FER1L6: variants seen among roughly 807,000 people sequenced by gnomAD.
The protein encoded by FER1L6 is fer-1 like family member 6, also known as fer-1-like protein 6.
FER1L6 carries 177 observed loss-of-function variants against 219.2 expected under a neutral mutation model. The observed-to-expected ratio is 0.81, with a 90% confidence interval of 0.71 to 0.91. The LOEUF (loss-of-function observed/expected upper bound fraction) is 0.91. Ranked by LOEUF, FER1L6 falls within the 40% of genes least tolerant of loss-of-function variation. The pLI is 0.00. For synonymous variants in FER1L6, 768 were observed against 824.3 expected, an observed-to-expected ratio of 0.93 and a Z score of 1.17; for missense variants, 2,153 against 2,259.9, an observed-to-expected ratio of 0.95 and a Z score of 0.96.
At chr8:124,093,807 TTTTAA>T (rs1466821790) in intron 34 of FER1L6, among the ~76,000 whole-genome samples, 1 of 151,932 alleles carries the variant, frequency 6.6e-6, no homozygotes, top group African/African-American at 2.4e-5. Context: ...ATTTTTATTA[TTTTAA>T]TTTTTGTGGG....
chr8:123,958,788 A>G (rs1437534567), intron 2 of FER1L6, among the ~76,000 whole-genome samples: 1 of 151,756 alleles, frequency 6.6e-6, no homozygotes, highest in East Asian at 2.0e-4. Flanking sequence ...TGGGGAGGTA[A>G]CATTTAAGCT....
At chr8:123,999,810 C>A (rs1465142002) in intron 12 of FER1L6, among the ~76,000 whole-genome samples, 1 of 152,178 alleles carries the variant, frequency 6.6e-6, no homozygotes, top group Admixed American at 6.5e-5. Context: ...CCTCTCTCCC[C>A]TCCTCAAGCA....
In FER1L6 at chr8:124,103,412, A is replaced by T. The variant is rs1822629027; in HGVS notation, c.5289+103A>T. ...ACTTCAAGTAAAATGCCTTGAAATG[A>T]CATGAACCCTTCATGCAGAGGTTCT... On this transcript the variant is annotated intron_variant, in intron 39 of 40. Transcript: ENST00000522917. 4.4e-6 allele frequency: 5 copies of T among 1,144,870 alleles called. No individual in the cohort carries two copies. The South Asian group carries it at 7.4e-5, about 17-fold the overall frequency. The allele number at this position is 1,144,870 out of a possible 1,614,324, so 70.9% of individuals were successfully genotyped here.
chr8:123,913,590 T>A (rs1469569108), intron 1 of FER1L6, among the ~76,000 whole-genome samples: 1 of 152,132 alleles, frequency 6.6e-6, no homozygotes, highest in Non-Finnish European at 1.5e-5. Context: ...GTTTTTGTTT[T>A]TCTCTCTCTA....
At chr8:123,899,547 C>T (rs1201125170) in intron 1 of FER1L6, among the ~76,000 whole-genome samples, 4 of 151,986 alleles carry the variant, frequency 2.6e-5, no homozygotes, top group Admixed American at 6.6e-5. Flanking sequence ...TTGTTTTTAT[C>T]GCATTTGCTT....
At chr8:123,964,418 T>A (rs1815441949) in intron 3 of FER1L6, among the ~76,000 whole-genome samples, 1 of 152,284 alleles carries the variant, frequency 6.6e-6, no homozygotes, top group East Asian at 1.9e-4. Flanking sequence ...TGTGACAGGA[T>A]GGCAGGGTAC....
chr8:124,088,193 A>G (rs564441628), intron 33 of FER1L6, among the ~76,000 whole-genome samples: 13 of 151,952 alleles, frequency 8.6e-5, no homozygotes, highest in Non-Finnish European at 1.8e-4. Context: ...GGAGTTAGGA[A>G]CCTTAGGAAT....
intron 19 of FER1L6, among the ~76,000 whole-genome samples, chr8:124,036,901 G>T (rs1819241068): frequency 6.6e-6 from 1 of 152,162 alleles, no homozygotes; most frequent in Non-Finnish European, 1.5e-5. Context: ...GAAAATACCT[G>T]TTCAGCAAAT....
intron 13 of FER1L6, among the ~76,000 whole-genome samples, chr8:124,007,272 C>G (rs555448080): frequency 6.6e-6 from 1 of 151,974 alleles, no homozygotes; most frequent in Non-Finnish European, 1.5e-5. Flanking sequence ...ATGTCTCTCT[C>G]TCTCTTTCTC....
chr8:123,926,424 C>T (rs1390541721), intron 1 of FER1L6, among the ~76,000 whole-genome samples: 2 of 152,266 alleles, frequency 1.3e-5, no homozygotes, highest in East Asian at 3.9e-4. Context: ...GCACAAGGAC[C>T]CGAGTGTGCA....
intron 18 of FER1L6, among the ~76,000 whole-genome samples, chr8:124,028,807 A>C (rs1021587370): frequency 6.6e-6 from 1 of 152,196 alleles, no homozygotes; most frequent in Non-Finnish European, 1.5e-5. Flanking sequence ...TCCGGGATAC[A>C]TGTGCACAAT....
chr8:124,097,909 TC>T, intron 37 of FER1L6, 26 bp downstream of exon 37: 1 of 1,184,466 alleles, frequency 8.4e-7, no homozygotes, highest in Non-Finnish European at 1.3e-6. Flanking sequence ...AACTCCAACC[TC>T]CCATTTCCTT....
chr8:124,018,794 C>T (rs1172798820), intron 16 of FER1L6, among the ~76,000 whole-genome samples: 1 of 152,220 alleles, frequency 6.6e-6, no homozygotes, highest in Non-Finnish European at 1.5e-5. Context: ...ACTTGTTCCA[C>T]ATCCTGCATT....
intron 1 of FER1L6, among the ~76,000 whole-genome samples, chr8:123,946,815 T>C (rs1208511146): frequency 6.6e-6 from 1 of 152,098 alleles, no homozygotes; most frequent in Non-Finnish European, 1.5e-5. Context: ...CAACTCCTAC[T>C]TGAGCTCGAT....
At chr8:123,878,479 C>T (rs1292502651) in intron 1 of FER1L6, among the ~76,000 whole-genome samples, 1 of 152,184 alleles carries the variant, frequency 6.6e-6, no homozygotes, top group Non-Finnish European at 1.5e-5. Flanking sequence ...CTGTCCTCCA[C>T]CTCAATAATT....
At chr8:124,092,702 C>T (rs1822087999) in intron 34 of FER1L6, among the ~76,000 whole-genome samples, 1 of 152,150 alleles carries the variant, frequency 6.6e-6, no homozygotes, top group Non-Finnish European at 1.5e-5. Context: ...GCTCACAGTT[C>T]TGCAGGCTCT....
At chr8:123,856,584 T>G (rs1484660703) in intron 1 of FER1L6, among the ~76,000 whole-genome samples, 1 of 151,536 alleles carries the variant, frequency 6.6e-6, no homozygotes, top group Non-Finnish European at 1.5e-5. Context: ...TCATTGCCAT[T>G]ATTCTTAGCA....
At chr8:124,057,740 G>A (rs184826305) in intron 22 of FER1L6, among the ~76,000 whole-genome samples, 1 of 152,038 alleles carries the variant, frequency 6.6e-6, no homozygotes, top group Non-Finnish European at 1.5e-5. Context: ...TCCATAACAT[G>A]GCCTATCTTC....
intron 10 of FER1L6, 124 bp downstream of exon 10, chr8:123,977,733 G>T: frequency 1.2e-6 from 1 of 825,044 alleles, no homozygotes; most frequent in Non-Finnish European, 1.9e-6. Flanking sequence ...CCAGTTTTAT[G>T]GAAGACTATT....
Sources: allele counts gnomAD v4.1 joint callset (sites outside exome capture counted in the v4.1 genomes callset), GRCh38; gene constraint gnomAD v4.1.1; transcripts MANE v1.5; gene names NCBI Gene and HGNC (gene_info 2026-07-23, HGNC 2026-07-21).